The following GDPD5 variants were observed in gnomAD, a reference collection of about 807,000 sequenced individuals.
The protein encoded by GDPD5 is glycerophosphodiester phosphodiesterase domain containing 5.
Under a neutral mutation model 75.1 loss-of-function variants are expected in GDPD5, and 48 were observed. The observed-to-expected ratio is 0.64, with a 90% confidence interval of 0.51 to 0.81. GDPD5 has a LOEUF of 0.81. Ranked by LOEUF, GDPD5 falls within the 40% of genes least tolerant of loss-of-function variation. The pLI is 0.00. For missense variants in GDPD5, 706 were observed against 822.6 expected, an observed-to-expected ratio of 0.86 and a Z score of 1.73; for synonymous variants, 336 against 339.0, an observed-to-expected ratio of 0.99 and a Z score of 0.10.
chr11:75,436,473 GC>G (rs373494992), intron 16 of GDPD5, among the ~76,000 whole-genome samples: 1 of 96,274 alleles, frequency 1.0e-5, no homozygotes, highest in Non-Finnish European at 2.2e-5. Context: ...ACGTCCTCCC[GC>G]CCCCCGCCCG....
At chr11:75,459,593 C>A (rs1049896702) in intron 4 of GDPD5, among the ~76,000 whole-genome samples, 1 of 152,018 alleles carries the variant, frequency 6.6e-6, no homozygotes, top group East Asian at 1.9e-4. Context: ...GAGGCTGAGG[C>A]GGGCAGATCA....
intron 1 of GDPD5, among the ~76,000 whole-genome samples, chr11:75,513,419 G>A (rs1334328679): frequency 1.3e-5 from 2 of 152,180 alleles, no homozygotes; most frequent in East Asian, 1.9e-4. Flanking sequence ...TGAGGTCAGA[G>A]AGCCGGTGGG....
intron 1 of GDPD5, among the ~76,000 whole-genome samples, chr11:75,498,273 C>G (rs1950247200): frequency 1.3e-5 from 2 of 152,214 alleles, no homozygotes; most frequent in Admixed American, 1.3e-4. Flanking sequence ...TTAGTCAGTA[C>G]AGCCAGGAAG....
chr11:75,449,857 AGGGTCCTGGG>A lies in GDPD5; in HGVS notation c.474+18_474+27del. The stretch of plus-strand genomic sequence containing the variant: ...AAGTGACAGAAAGGCTCTTGTTGTG[AGGGTCCTGGG>A]GGACCCTCCTCACTCACCTGCAGGG... On this transcript the variant is annotated intron_variant, in intron 7 of 16. Coordinates refer to ENST00000336898, the MANE Select transcript of GDPD5 (RefSeq NM_030792.8). The A allele has an allele frequency of 6.3e-7, 1 of 1,599,270 alleles. No homozygotes were observed. Among genetic ancestry groups the A allele is most frequent in the Non-Finnish European group, 8.6e-7 (1 of 1,167,168 alleles).
intron 4 of GDPD5, among the ~76,000 whole-genome samples, chr11:75,460,820 C>T (rs901741952): frequency 5.3e-5 from 8 of 152,074 alleles, no homozygotes; most frequent in African/African-American, 1.9e-4. Context: ...GAAACTGAGG[C>T]GACAGGCTGA....
chr11:75,471,375 TAA>T (rs1949661450), intron 3 of GDPD5, among the ~76,000 whole-genome samples: 1 of 152,164 alleles, frequency 6.6e-6, no homozygotes, highest in Admixed American at 6.5e-5. Flanking sequence ...CCTGACAGCC[TAA>T]GAGGCTGGAT....
chr11:75,463,214 A>G (rs911500949), intron 3 of GDPD5, among the ~76,000 whole-genome samples: 21 of 152,166 alleles, frequency 1.4e-4, no homozygotes, highest in Admixed American at 1.2e-3. Flanking sequence ...TGGCGCTGGC[A>G]CAGTGATCGG....
chr11:75,512,250 C>T (rs1001541019), intron 1 of GDPD5, among the ~76,000 whole-genome samples: 112 of 138,206 alleles, frequency 8.1e-4, no homozygotes, highest in Non-Finnish European at 4.4e-4. Context: ...ATTTCTTAGT[C>T]CCTAACTGGT....
chr11:75,475,787 C>T (rs920674050), intron 3 of GDPD5, among the ~76,000 whole-genome samples: 2 of 152,220 alleles, frequency 1.3e-5, no homozygotes, highest in African/African-American at 4.8e-5. Flanking sequence ...CCTAGCCTAG[C>T]TCATGGCCCC....
intron 6 of GDPD5, chr11:75,451,856 T>A (rs1289018534): frequency 6.6e-6 from 1 of 152,264 alleles, no homozygotes; most frequent in East Asian, 1.9e-4. Flanking sequence ...TCACTGCATG[T>A]TCAGTGTCTG....
chr11:75,448,358 G>A, intron 9 of GDPD5: 10 of 438,188 alleles, frequency 2.3e-5, no homozygotes, highest in Non-Finnish European at 3.0e-5. Flanking sequence ...CACAGCAGGT[G>A]CTCTCACTAG....
At chr11:75,484,737 A>G (rs563081298) in intron 2 of GDPD5, among the ~76,000 whole-genome samples, 1 of 152,258 alleles carries the variant, frequency 6.6e-6, no homozygotes, top group Admixed American at 6.5e-5. Context: ...ATAAATAATA[A>G]TAATAAAAAG....
intron 2 of GDPD5, among the ~76,000 whole-genome samples, chr11:75,483,408 G>A (rs1054252493): frequency 6.6e-5 from 10 of 152,130 alleles, no homozygotes; most frequent in African/African-American, 2.4e-4. Context: ...CACCTCCGGC[G>A]TCCTGTCTCA....
chr11:75,468,280 C>T (rs61897382), intron 3 of GDPD5, among the ~76,000 whole-genome samples: 23 of 152,334 alleles, frequency 1.5e-4, no homozygotes, highest in Non-Finnish European at 2.5e-4. Context: ...ATTTCAGAAT[C>T]GCAGAGCTCC....
At chr11:75,523,202 C>T (rs573730044) in intron 1 of GDPD5, among the ~76,000 whole-genome samples, 1 of 152,280 alleles carries the variant, frequency 6.6e-6, no homozygotes, top group Non-Finnish European at 1.5e-5. Context: ...TTTATAGGCT[C>T]AGAGGGATGA....
At chr11:75,445,664 A>C (rs1159837020) in intron 9 of GDPD5, among the ~76,000 whole-genome samples, 1 of 152,176 alleles carries the variant, frequency 6.6e-6, no homozygotes, top group Non-Finnish European at 1.5e-5. Context: ...ATTCCCACTG[A>C]AGACAATCCT....
intron 3 of GDPD5, among the ~76,000 whole-genome samples, chr11:75,474,631 G>A (rs1949742108): frequency 6.6e-6 from 1 of 152,108 alleles, no homozygotes; most frequent in Non-Finnish European, 1.5e-5. Context: ...GCAAAGGCTT[G>A]GAAGAGGTGG....
rs556913938 is a variant in GDPD5 at position 75,487,794 on chromosome 11, G to C, written c.-61+2443C>G. Among the ~76,000 whole-genome samples, 12 of 152,286 alleles carry C rather than the reference G, an allele frequency of 7.9e-5. No homozygotes were observed. The South Asian group carries it at 2.5e-3, about 32-fold the overall frequency. On this transcript the variant is annotated intron_variant, in intron 2 of 16. Transcript: ENST00000336898. The stretch of plus-strand genomic sequence containing the variant: ...GGTCAGGGCTATGAGCTTGGGCTGA[G>C]TAGTCACCAAAAGTGACCTGGCCTT...
intron 1 of GDPD5, among the ~76,000 whole-genome samples, chr11:75,491,031 C>T (rs1280996172): frequency 1.3e-5 from 2 of 152,220 alleles, no homozygotes; most frequent in South Asian, 4.1e-4. Context: ...GGCCTACCTA[C>T]ATCACATAGA....
Sources: allele counts gnomAD v4.1 joint callset (sites outside exome capture counted in the v4.1 genomes callset), GRCh38; gene constraint gnomAD v4.1.1; transcripts MANE v1.5; gene names NCBI Gene and HGNC (gene_info 2026-07-23, HGNC 2026-07-21).